Variants in PTGR1 observed in about 807,000 individuals in gnomAD.
The protein encoded by PTGR1 is prostaglandin reductase 1.
A neutral mutation model predicts 37.7 loss-of-function variants in PTGR1; 23 were observed. The ratio of observed to expected loss-of-function variants is 0.61; its 90% CI spans 0.44 to 0.86. The LOEUF is 0.86. PTGR1 is among the 40% of genes least tolerant of loss of function. The pLI is 0.00. For missense variants in PTGR1, 351 were observed against 394.3 expected (o/e 0.89, Z 0.93); for synonymous variants, 134 against 140.0 (o/e 0.96, Z 0.30).
At chr9:111,595,213 T>A (rs1256837980) in intron 2 of PTGR1, among the ~76,000 whole-genome samples, 1 of 152,172 alleles carries the variant, frequency 6.6e-6, no homozygotes, top group African/African-American at 2.4e-5. Flanking sequence ...TGTCTTCCCA[T>A]CTGTGCTTCT....
At chr9:111,593,691 C>T (rs912468172) in intron 3 of PTGR1, among the ~76,000 whole-genome samples, 2 of 152,078 alleles carry the variant, frequency 1.3e-5, no homozygotes, top group African/African-American at 2.4e-5. Context: ...CTTTATGAGA[C>T]GGGGTCTTGC....
intron 9 of PTGR1, among the ~76,000 whole-genome samples, chr9:111,556,716 G>C (rs1375485673): frequency 6.6e-6 from 1 of 152,222 alleles, no homozygotes; most frequent in African/African-American, 2.4e-5. Flanking sequence ...GAGTTCTCAT[G>C]AGATCTGGTT....
At chr9:111,576,690 C>T (rs1373720875) in intron 7 of PTGR1, 2 of 322,120 alleles carry the variant, frequency 6.2e-6, no homozygotes, top group South Asian at 8.4e-5. Flanking sequence ...GTACATATTT[C>T]CCCTAGAAGC....
intron 8 of PTGR1, among the ~76,000 whole-genome samples, chr9:111,572,217 A>G: frequency 6.6e-6 from 1 of 152,212 alleles, no homozygotes; most frequent in East Asian, 1.9e-4. Flanking sequence ...ATGCAAGAGA[A>G]TGAGACAGAA....
At chr9:111,566,702 G>A (rs190847786) in intron 9 of PTGR1, among the ~76,000 whole-genome samples, 1 of 152,258 alleles carries the variant, frequency 6.6e-6, no homozygotes, top group African/African-American at 2.4e-5. Context: ...TTTATTCAGT[G>A]CCTACATTGC....
At chr9:111,586,298 C>G in intron 4 of PTGR1, 133 bp from the exon 5 acceptor site, 1 of 843,782 alleles carries the variant, frequency 1.2e-6, no homozygotes, top group South Asian at 1.6e-5. Context: ...GTCCACCACC[C>G]CTCTCCATCT....
At chr9:111,557,048 G>A (rs1417214844) in intron 9 of PTGR1, among the ~76,000 whole-genome samples, 1 of 152,160 alleles carries the variant, frequency 6.6e-6, no homozygotes, top group Non-Finnish European at 1.5e-5. Context: ...GGGCTGCCGC[G>A]AAGATCTCTG....
intron 8 of PTGR1, 74 bp from the exon 9 acceptor site, chr9:111,570,283 C>T (rs1828753266): frequency 6.5e-7 from 1 of 1,526,760 alleles, no homozygotes; most frequent in South Asian, 1.3e-5. Flanking sequence ...GTACAGGTCA[C>T]TGTCACTGTG....
chr9:111,595,044 G>A (rs1391584631), intron 2 of PTGR1, among the ~76,000 whole-genome samples: 2 of 151,464 alleles, frequency 1.3e-5, no homozygotes, highest in Non-Finnish European at 2.9e-5. Flanking sequence ...TAGTAGGGAC[G>A]GGGTTTCACC....
chr9:111,571,844 G>T (rs1828834237), intron 8 of PTGR1, among the ~76,000 whole-genome samples: 1 of 152,142 alleles, frequency 6.6e-6, no homozygotes, highest in Non-Finnish European at 1.5e-5. Flanking sequence ...AGATGGTGAT[G>T]CTGCTGGTCC....
rs1829645233 is a variant in PTGR1 at position 111,592,321 on chromosome 9, CT to C, written c.209+604del. The C allele has an allele frequency of 2.0e-5, 3 of 152,376 alleles. No individual in the cohort carries two copies. The South Asian group carries it at 6.2e-4, about 32-fold the overall frequency. The allele number at this position is 152,376 out of a possible 1,614,324, so 9.4% of individuals were successfully genotyped here. On this transcript the variant is annotated intron_variant, in intron 4 of 9. Transcript: ENST00000407693. ...TGTTTTAAGGCTCTGTTAGAAATTA[CT>C]GATGCACACACTATATTGTAAATTC...
At chr9:111,588,196 AT>A (rs71302619) in intron 4 of PTGR1, among the ~76,000 whole-genome samples, 18,701 of 126,658 alleles carry the variant, frequency 0.15, 1,276 homozygotes, top group East Asian at 0.24. Context: ...CATCCAGCTA[AT>A]TTTTTTTTTT....
downstream of PTGR1, among the ~76,000 whole-genome samples, chr9:111,559,831 G>C (rs145608129): frequency 6.6e-6 from 1 of 152,092 alleles, no homozygotes; most frequent in East Asian, 1.9e-4. Context: ...AGAGGACACG[G>C]GCAGTGACTT....
intron 9 of PTGR1, among the ~76,000 whole-genome samples, chr9:111,552,959 ATCTAAGGT>A (rs2132286617): frequency 6.6e-6 from 1 of 152,278 alleles, no homozygotes; most frequent in African/African-American, 2.4e-5. Flanking sequence ...TCATCTCTCC[ATCTAAGGT>A]TCTTTGTAGA....
chr9:111,555,587 A>G (rs937888847), intron 9 of PTGR1, among the ~76,000 whole-genome samples: 2 of 152,202 alleles, frequency 1.3e-5, no homozygotes, highest in African/African-American at 2.4e-5. Context: ...TACAGGAAGC[A>G]TGGCTGGGAG....
Position 111,574,837 on chromosome 9 carries a change from A to G in PTGR1, c.657T>C (p.Gly219=), listed in dbSNP as rs761451011. Residue 219 remains glycine (G), a synonymous_variant, in exon 8 of 10, where the codon GGT becomes GGC. Coordinates refer to ENST00000407693, the MANE Select transcript of PTGR1 (RefSeq NM_001146108.2). Reference sequence around the variant, plus strand: ...CGATAACAGTGTTTGAAAACTCTCCACCTACCTAAACAGATAGCAAAGACA... The same window carrying G: ...CGATAACAGTGTTTGAAAACTCTCCGCCTACCTAAACAGATAGCAAAGACA... The part of the protein sequence containing the change: ...DGYDCYFDNV[G]GEFSNTVIGQ... 3.7e-6 allele frequency: 6 copies of G among 1,608,690 alleles called. No homozygotes were observed. The highest frequency in any genetic ancestry group is 5.1e-6 in the Non-Finnish European group (6 of 1,176,860).
intron 9 of PTGR1, among the ~76,000 whole-genome samples, chr9:111,567,768 G>T (rs971128203): frequency 1.3e-5 from 2 of 152,168 alleles, no homozygotes; most frequent in Admixed American, 6.5e-5. Context: ...TGTCTATAGG[G>T]ATGCAAAGAT....
rs746073169 is a variant in PTGR1, at chr9:111,583,576, A to T, written c.391T>A (p.Phe131Ile). The T allele has an allele frequency of 1.2e-6, 2 of 1,609,998 alleles. No homozygotes were observed. The highest frequency in any genetic ancestry group is 2.2e-5 in the South Asian group (2 of 90,974). The change falls in exon 6 of 10, where the codon TTT becomes ATT. Residue 131 changes from phenylalanine (F) to isoleucine (I), a missense_variant. By Grantham distance (21) the Phe-to-Ile change is conservative (BLOSUM62 0). Coordinates refer to ENST00000407693, the MANE Select transcript of PTGR1 (RefSeq NM_001146108.2). ...TVGMPGLTAY[F>I]GLLEICGVKG... The stretch of plus-strand genomic sequence containing the variant: ...ACACCACAGATTTCAAGTAGGCCAA[A>T]GTAGGCAGTCAGGCTAAAGGAAGAA...
chr9:111,563,297 C>A, intron 9 of PTGR1, 66 bp from the exon 10 acceptor site: 1 of 1,426,792 alleles, frequency 7.0e-7, no homozygotes. Context: ...CTGTTCTCAT[C>A]CTAGCAACAA....
Sources: gnomAD v4.1 joint callset for allele counts (sites outside exome capture counted in the v4.1 genomes callset) on GRCh38, gnomAD v4.1.1 for gene constraint, MANE v1.5 for transcripts, NCBI Gene and HGNC (gene_info 2026-07-23, HGNC 2026-07-21) for gene names.